Variants in LIPK observed in about 807,000 individuals in gnomAD.
The protein encoded by LIPK is lipase member K.
In LIPK, 32 loss-of-function variants were observed where a neutral mutation model predicts 48.6. That is an observed-to-expected ratio of 0.66 (90% CI 0.50 to 0.88). LIPK has a LOEUF of 0.88. Ranked by LOEUF, LIPK falls within the 40% of genes least tolerant of loss-of-function variation. The pLI, the probability that LIPK is intolerant of heterozygous loss-of-function variation, is 0.00. For missense variants in LIPK, 507 were observed against 478.5 expected (o/e 1.06, Z -0.56); for synonymous variants, 164 against 157.4 (o/e 1.04, Z -0.32).
Position 88,728,981 on chromosome 10 carries a change from C to T in LIPK, c.224-2002C>T, listed in dbSNP as rs186774378. ...GCTGTCCCACATCCTGCTGGGGAGG[C>T]AGCTGTGCAGGGGAGCATGGGCAAC... On this transcript the variant is annotated intron_variant, in intron 3 of 9. Coordinates refer to ENST00000404190, the MANE Select transcript of LIPK (RefSeq NM_001080518.2). 439 of 158,296 alleles carry T rather than the reference C, an allele frequency of 2.8e-3. 3 individuals carry two copies. Among genetic ancestry groups the T allele is most frequent in the Non-Finnish European group, 3.4e-3 (245 of 72,100 alleles). The allele number at this position is 158,296 out of a possible 1,614,324, so 9.8% of individuals were successfully genotyped here.
At chr10:88,742,269 C>T (rs1179211720) in intron 8 of LIPK, among the ~76,000 whole-genome samples, 1 of 152,206 alleles carries the variant, frequency 6.6e-6, no homozygotes, top group Non-Finnish European at 1.5e-5. Context: ...AGATTTGATC[C>T]TAGAGCCCAA....
chr10:88,720,978 T>C (rs1343051095), intron 1 of LIPK, among the ~76,000 whole-genome samples: 1 of 151,830 alleles, frequency 6.6e-6, no homozygotes, highest in Non-Finnish European at 1.5e-5. Context: ...CAACCAAGGG[T>C]CACATCTTTA....
intron 1 of LIPK, among the ~76,000 whole-genome samples, chr10:88,723,517 C>G (rs188365422): frequency 2.8e-4 from 42 of 152,080 alleles, no homozygotes; most frequent in African/African-American, 9.2e-4. Flanking sequence ...AAAAATGTTC[C>G]CCTTGGTTGT....
intron 2 of LIPK, 77 bp downstream of exon 2, chr10:88,724,725 C>A: frequency 9.9e-7 from 1 of 1,010,810 alleles, no homozygotes; most frequent in Non-Finnish European, 1.4e-6. Flanking sequence ...AACTGGTGTG[C>A]CTTCTTAGTT....
intron 7 of LIPK, among the ~76,000 whole-genome samples, chr10:88,738,693 C>T (rs565653689): frequency 1.1e-4 from 17 of 152,188 alleles, no homozygotes; most frequent in Non-Finnish European, 2.1e-4. Flanking sequence ...TAAAAGCACC[C>T]TCTCAGCATA....
chr10:88,728,698 T>C (rs930256039), intron 3 of LIPK: 3 of 399,456 alleles, frequency 7.5e-6, no homozygotes, highest in African/African-American at 4.2e-5. Flanking sequence ...AGCAGGTGTA[T>C]GCATAGGAAG....
intron 1 of LIPK, among the ~76,000 whole-genome samples, chr10:88,717,297 T>C (rs142678315): frequency 7.9e-4 from 120 of 152,330 alleles, no homozygotes; most frequent in Middle Eastern, 3.4e-3. Flanking sequence ...GTCCTTAACT[T>C]TGCTTGAGTT....
chr10:88,728,287 C>G (rs1456229826), intron 3 of LIPK: 1 of 183,322 alleles, frequency 5.5e-6, no homozygotes, highest in African/African-American at 2.4e-5. Flanking sequence ...ACGTCTCCGC[C>G]CAGTACCAGG....
intron 1 of LIPK, among the ~76,000 whole-genome samples, chr10:88,708,477 C>T (rs1841974326): frequency 1.3e-5 from 2 of 152,008 alleles, no homozygotes; most frequent in South Asian, 4.1e-4. Context: ...AAATATATAA[C>T]AGTTGCTTAA....
At chr10:88,741,243 G>A (rs574749488) in intron 8 of LIPK, among the ~76,000 whole-genome samples, 48 of 152,156 alleles carry the variant, frequency 3.2e-4, no homozygotes, top group Admixed American at 2.1e-3. Context: ...AAAAAAAAGC[G>A]TGCAGTGGTA....
intron 2 of LIPK, among the ~76,000 whole-genome samples, chr10:88,725,179 A>G (rs564274357): frequency 3.4e-4 from 52 of 152,360 alleles, no homozygotes; most frequent in African/African-American, 1.2e-3. Flanking sequence ...TAAACGGCGC[A>G]CAATTGCTGT....
intron 9 of LIPK, among the ~76,000 whole-genome samples, chr10:88,750,751 T>C (rs1337133332): frequency 6.6e-6 from 1 of 152,006 alleles, no homozygotes; most frequent in African/African-American, 2.4e-5. Context: ...ACCTCCATGA[T>C]ATGCAATTTA....
chr10:88,715,516 T>C (rs1323092096), intron 1 of LIPK, among the ~76,000 whole-genome samples: 1 of 152,134 alleles, frequency 6.6e-6, no homozygotes, highest in Non-Finnish European at 1.5e-5. Flanking sequence ...TCAACCCATT[T>C]TCCTTTACAT....
intron 1 of LIPK, among the ~76,000 whole-genome samples, chr10:88,707,150 G>A (rs1841950900): frequency 6.6e-6 from 1 of 152,016 alleles, no homozygotes; most frequent in South Asian, 2.1e-4. Context: ...CTAGAAATAA[G>A]AAAGCAGTTT....
At chr10:88,743,180 ATTTC>A in intron 8 of LIPK, 66 bp from the exon 9 acceptor site, 3 of 1,018,108 alleles carry the variant, frequency 2.9e-6, no homozygotes, top group Non-Finnish European at 4.4e-6. Flanking sequence ...TTCTTTGTAT[ATTTC>A]TTCTGTACTG....
intron 4 of LIPK, 139 bp from the exon 5 acceptor site, chr10:88,732,039 A>C: frequency 1.9e-6 from 1 of 524,610 alleles, no homozygotes; most frequent in Non-Finnish European, 3.3e-6. Context: ...AAAGTTGCAT[A>C]GTTGCCTAAT....
At chr10:88,736,155 GGAGGGA>G (rs1554956841) in intron 6 of LIPK, among the ~76,000 whole-genome samples, 7 of 151,338 alleles carry the variant, frequency 4.6e-5, no homozygotes, top group African/African-American at 7.3e-5. Context: ...AGGAAGGGAA[GGAGGGA>G]GAGGGAGAGG....
At chr10:88,742,803 C>G (rs1451730523) in intron 8 of LIPK, among the ~76,000 whole-genome samples, 1 of 151,536 alleles carries the variant, frequency 6.6e-6, no homozygotes, top group African/African-American at 2.4e-5. Flanking sequence ...ATAATCATAA[C>G]AGTTTAGACC....
At chr10:88,718,044 T>C (rs1191388400) in intron 1 of LIPK, among the ~76,000 whole-genome samples, 2 of 151,904 alleles carry the variant, frequency 1.3e-5, no homozygotes, top group Non-Finnish European at 2.9e-5. Flanking sequence ...TATCGATTCA[T>C]TATAAATATG....
Sources: gnomAD v4.1 joint callset for allele counts (sites outside exome capture counted in the v4.1 genomes callset) on GRCh38, gnomAD v4.1.1 for gene constraint, MANE v1.5 for transcripts, NCBI Gene and HGNC (gene_info 2026-07-23, HGNC 2026-07-21) for gene names.